The following DUS2 variants were observed in gnomAD, a reference collection of about 807,000 sequenced individuals.
The protein encoded by DUS2 is tRNA-dihydrouridine(20) synthase [NAD(P)+]-like.
In DUS2, 52 loss-of-function variants were observed where a neutral mutation model predicts 71.3. That is an observed-to-expected ratio of 0.73 (90% CI 0.58 to 0.92). The LOEUF (loss-of-function observed/expected upper bound fraction) is 0.92, where lower values mean the gene tolerates loss of function less well. Among genes scored for constraint, DUS2 ranks in the 40% least tolerant of loss-of-function variants. DUS2 has a pLI of 0.00. For missense variants in DUS2, 558 were observed against 622.6 expected (o/e 0.90, Z 1.10); for synonymous variants, 204 against 227.8 (o/e 0.90, Z 0.94).
intron 3 of DUS2, among the ~76,000 whole-genome samples, chr16:68,047,775 G>T (rs2033725965): frequency 6.8e-6 from 1 of 147,616 alleles, no homozygotes; most frequent in South Asian, 2.1e-4. Context: ...GAGCCACCGT[G>T]CTGGCGTGTT....
chr16:68,025,658 A>G (rs2033338113), intron 2 of DUS2, among the ~76,000 whole-genome samples, 164 bp downstream of exon 2: 1 of 152,160 alleles, frequency 6.6e-6, no homozygotes, highest in South Asian at 2.1e-4. Flanking sequence ...GTCCGTGGCC[A>G]CTAATTTCTT....
At chr16:68,067,973 G>T (rs1294196949) in intron 10 of DUS2, among the ~76,000 whole-genome samples, 2 of 152,082 alleles carry the variant, frequency 1.3e-5, no homozygotes, top group Non-Finnish European at 2.9e-5. Flanking sequence ...TCTTTTAAAG[G>T]CTCTGCCTCT....
intron 15 of DUS2, chr16:68,078,063 C>G (rs1456254107): frequency 7.1e-6 from 2 of 280,456 alleles, no homozygotes; most frequent in Non-Finnish European, 1.4e-5. Context: ...GCCCTTTGCT[C>G]CAGCCAAGTC....
In DUS2 at chr16:68,071,336, C is replaced by A. The variant is rs555031888; in HGVS notation, c.810+228C>A. ...TACCCCTACCATCTCCTAAAGCTTCCAGAGGTTTGCAGGTCATAGCAAGAA... is the reference window on the plus strand; with the variant it reads ...TACCCCTACCATCTCCTAAAGCTTCAAGAGGTTTGCAGGTCATAGCAAGAA... On this transcript the variant is annotated intron_variant, in intron 12 of 16. Coordinates refer to ENST00000565263, the MANE Select transcript of DUS2 (RefSeq NM_017803.5). Among the ~76,000 whole-genome samples the A allele has an allele frequency of 2.0e-5, 3 of 152,326 alleles. No individual in the cohort carries two copies. In the South Asian group the frequency reaches 6.2e-4, roughly 32 times the overall value.
intron 3 of DUS2, among the ~76,000 whole-genome samples, chr16:68,048,796 A>C (rs1055153131): frequency 1.3e-5 from 2 of 152,174 alleles, no homozygotes; most frequent in Non-Finnish European, 2.9e-5. Flanking sequence ...ATCCATGGGC[A>C]TGAACTTCTG....
At chr16:68,027,815 C>T (rs1276288560) in intron 2 of DUS2, among the ~76,000 whole-genome samples, 1 of 151,346 alleles carries the variant, frequency 6.6e-6, no homozygotes, top group Admixed American at 6.6e-5. Flanking sequence ...TAAAAGTCTA[C>T]AGGGAGTCAG....
At chr16:68,026,571 C>T (rs74652527) in intron 2 of DUS2, among the ~76,000 whole-genome samples, 8,557 of 151,966 alleles carry the variant, frequency 0.056, 323 homozygotes, top group Non-Finnish European at 0.09. Flanking sequence ...TTCTGTTTCC[C>T]GAGTGATGTT....
At chr16:68,066,424 T>A (rs758006703) in intron 9 of DUS2, 42 bp downstream of exon 9, 2 of 1,604,100 alleles carry the variant, frequency 1.2e-6, no homozygotes, top group Non-Finnish European at 1.7e-6. Context: ...TTCTCTCTGG[T>A]GATGTTGGAT....
intron 2 of DUS2, among the ~76,000 whole-genome samples, chr16:68,037,289 G>T (rs889088184): frequency 6.6e-6 from 1 of 151,802 alleles, no homozygotes; most frequent in Non-Finnish European, 1.5e-5. Context: ...TATGTTCAGG[G>T]AAAAGGAAAA....
intron 7 of DUS2, among the ~76,000 whole-genome samples, chr16:68,059,002 A>G (rs1053054443): frequency 6.6e-6 from 1 of 152,180 alleles, no homozygotes; most frequent in African/African-American, 2.4e-5. Flanking sequence ...ACCTGAGGTC[A>G]GGAGTTCAAG....
rs758723834 is a variant in DUS2, at chr16:68,038,161, T to C, written c.126+12T>C. The C allele has an allele frequency of 1.2e-6, 2 of 1,612,772 alleles. No individual in the cohort carries two copies. The highest frequency in any genetic ancestry group is 8.5e-7 in the Non-Finnish European group (1 of 1,179,426). ...TTGTTTACTGTGAGGTAAGGGGCTC[T>C]GATTTTCTGGGTGGGCTTCTCCACA... On this transcript the variant is annotated intron_variant, in intron 3 of 16. Transcript: ENST00000565263.
chr16:68,072,743 G>T lies in DUS2; in HGVS notation c.811-1291G>T, dbSNP rs558161585. The stretch of plus-strand genomic sequence containing the variant: ...AGGGTGTCCTGGAGGGCTGGGGAAG[G>T]CCACCTTCACCCAATACTGCTCTCC... On this transcript the variant is annotated intron_variant, in intron 12 of 16. Transcript: ENST00000565263. 3.0e-4 allele frequency among the ~76,000 whole-genome samples: 46 copies of T among 152,296 alleles called. No individual in the cohort carries two copies. In the South Asian group the frequency reaches 9.3e-3, roughly 31 times the overall value.
chr16:68,041,913 G>A (rs1227988627), intron 3 of DUS2, among the ~76,000 whole-genome samples: 2 of 151,190 alleles, frequency 1.3e-5, no homozygotes, highest in Admixed American at 6.6e-5. Context: ...ATTTGTAAGT[G>A]TACTGTTCAG....
At chr16:68,032,759 C>A (rs1034684165) in intron 2 of DUS2, among the ~76,000 whole-genome samples, 1 of 151,810 alleles carries the variant, frequency 6.6e-6, no homozygotes, top group East Asian at 1.9e-4. Context: ...CACCTGAGGT[C>A]AGGAGTTAGC....
Position 68,054,622 on chromosome 16 carries a change from G to A in DUS2, c.308+5G>A, listed in dbSNP as rs1567476661. 6.2e-7 allele frequency: 1 copy of A among 1,614,196 alleles called. No homozygotes were observed. Among genetic ancestry groups the A allele is most frequent in the Non-Finnish European group, 8.5e-7 (1 of 1,180,030 alleles). ...CCTTGCTGTGGCCAGGCTTGTGTAAGTTCATCCTCTGTCTTTAGCACTGCC... is the reference window on the plus strand; with the variant it reads ...CCTTGCTGTGGCCAGGCTTGTGTAAATTCATCCTCTGTCTTTAGCACTGCC... On this transcript the variant is annotated splice_donor_5th_base_variant and intron_variant, in intron 6 of 16. Coordinates refer to ENST00000565263, the MANE Select transcript of DUS2 (RefSeq NM_017803.5).
intron 4 of DUS2, 73 bp from the exon 5 acceptor site, chr16:68,053,491 T>C: frequency 1.4e-6 from 2 of 1,445,900 alleles, no homozygotes; most frequent in Non-Finnish European, 1.9e-6. Flanking sequence ...GGCTGTGTTT[T>C]CTTCCAGGGC....
intron 2 of DUS2, among the ~76,000 whole-genome samples, chr16:68,029,027 T>C (rs1289143874): frequency 6.6e-6 from 1 of 152,014 alleles, no homozygotes; most frequent in African/African-American, 2.4e-5. Flanking sequence ...AGCAAGACTG[T>C]ATCGCTACAG....
chr16:68,060,974 C>A, intron 7 of DUS2, 92 bp from the exon 8 acceptor site: 1 of 1,265,742 alleles, frequency 7.9e-7, no homozygotes, highest in Non-Finnish European at 1.1e-6. Flanking sequence ...GAAGTGAGTG[C>A]CGGGGTGACG....
chr16:68,048,796 A>G (rs1055153131), intron 3 of DUS2, among the ~76,000 whole-genome samples: 1 of 152,174 alleles, frequency 6.6e-6, no homozygotes, highest in Non-Finnish European at 1.5e-5. Flanking sequence ...ATCCATGGGC[A>G]TGAACTTCTG....
Sources: gnomAD v4.1 joint callset for allele counts (sites outside exome capture counted in the v4.1 genomes callset) on GRCh38, gnomAD v4.1.1 for gene constraint, MANE v1.5 for transcripts, NCBI Gene and HGNC (gene_info 2026-07-23, HGNC 2026-07-21) for gene names.